COL24A1: variants seen among roughly 807,000 people sequenced by gnomAD.
The protein encoded by COL24A1 is collagen type XXIV alpha 1 chain.
A neutral mutation model predicts 253.9 loss-of-function variants in COL24A1; 224 were observed. The ratio of observed to expected loss-of-function variants is 0.88; its 90% CI spans 0.79 to 0.99. The LOEUF (loss-of-function observed/expected upper bound fraction) is 0.99. Ranked by LOEUF, COL24A1 falls within the 50% of genes least tolerant of loss-of-function variation. The pLI is 0.00. For missense variants in COL24A1, 2,131 were observed against 2,068.5 expected (o/e 1.03, Z -0.59); for synonymous variants, 685 against 673.7 (o/e 1.02, Z -0.26).
chr1:85,994,656 T>C (rs530482789), intron 19 of COL24A1, among the ~76,000 whole-genome samples: 1 of 152,304 alleles, frequency 6.6e-6, no homozygotes, highest in South Asian at 2.1e-4. Flanking sequence ...AAATAGCCTT[T>C]ACTGAGTGAG....
At chr1:85,914,231 C>A (rs1685642836) in intron 24 of COL24A1, among the ~76,000 whole-genome samples, 1 of 151,556 alleles carries the variant, frequency 6.6e-6, no homozygotes, top group South Asian at 2.1e-4. Flanking sequence ...TAAATACCTG[C>A]TATGGCCATG....
At chr1:86,147,467 G>GAATC (rs1652049660) in intron 1 of COL24A1, among the ~76,000 whole-genome samples, 1 of 152,168 alleles carries the variant, frequency 6.6e-6, no homozygotes, top group Admixed American at 6.5e-5. Flanking sequence ...CAGATCAACT[G>GAATC]AATCATTGCA....
chr1:85,769,340 A>G (rs1367093269), intron 53 of COL24A1, among the ~76,000 whole-genome samples: 1 of 152,162 alleles, frequency 6.6e-6, no homozygotes, highest in African/African-American at 2.4e-5. Flanking sequence ...GTAGAGGCAC[A>G]GGTAGAAGGA....
chr1:86,103,908 C>T (rs1353709240), intron 5 of COL24A1, among the ~76,000 whole-genome samples: 2 of 152,070 alleles, frequency 1.3e-5, no homozygotes, highest in Admixed American at 6.6e-5. Flanking sequence ...CTCTGTATTT[C>T]CTAAATTTGA....
intron 5 of COL24A1, among the ~76,000 whole-genome samples, 161 bp downstream of exon 5, chr1:86,112,406 T>G (rs1705703607): frequency 6.6e-6 from 1 of 152,202 alleles, no homozygotes; most frequent in Admixed American, 6.5e-5. Flanking sequence ...AACCTAGCTC[T>G]CTGCCAGGCT....
chr1:86,030,719 C>T (rs969286851), intron 14 of COL24A1: 2 of 151,614 alleles, frequency 1.3e-5, no homozygotes, highest in African/African-American at 2.4e-5. Flanking sequence ...CATGCTGCCA[C>T]AGTGGGCCAG....
At position 86,156,383 on chromosome 1, in the gene COL24A1, G is replaced by T; in HGVS notation, c.14C>A (p.Ala5Asp). The change falls in exon 1 of 60, where the codon GCC becomes GAC. Residue 5 changes from alanine to aspartate, a missense_variant. Transcript: ENST00000370571. MHLR[A>D]HRTRRGKVSP... ...GACTTTTCCACGCCTTGTTCTGTGG[G>T]CTCTTAAATGCATTTGTATGCATTT... The T allele has an allele frequency of 6.2e-7, 1 of 1,612,370 alleles. No homozygotes were observed. Among genetic ancestry groups the T allele is most frequent in the African/African-American group, 1.3e-5 (1 of 74,920 alleles).
At chr1:86,038,562 C>A (rs183914958) in intron 12 of COL24A1, among the ~76,000 whole-genome samples, 1 of 152,070 alleles carries the variant, frequency 6.6e-6, no homozygotes, top group Admixed American at 6.6e-5. Flanking sequence ...CTTTGATTCC[C>A]GGTATTCATG....
chr1:85,784,379 CAAAGAA>C lies in COL24A1; in HGVS notation c.4060-19_4060-14del, dbSNP rs764648981. 1 of 1,580,074 alleles carries C rather than the reference CAAAGAA, an allele frequency of 6.3e-7. No individual in the cohort carries two copies. Among genetic ancestry groups the C allele is most frequent in the Admixed American group, 1.7e-5 (1 of 59,816 alleles). On this transcript the variant is annotated splice_polypyrimidine_tract_variant and intron_variant, in intron 48 of 59. Transcript: ENST00000370571. ...GCCCTTGTTCACCCTATGGGTAGAA[CAAAGAA>C]AAGCGATCTTTACATCAGAACATAT...
At chr1:85,895,311 G>T (rs1683564484) in intron 31 of COL24A1, among the ~76,000 whole-genome samples, 1 of 152,068 alleles carries the variant, frequency 6.6e-6, no homozygotes, top group African/African-American at 2.4e-5. Context: ...AGTGCCATGG[G>T]AAGGCATGAA....
At position 85,876,117 on chromosome 1, in the gene COL24A1, G is replaced by A. The variant is rs139600324; in HGVS notation, c.3031-787C>T. On this transcript the variant is annotated intron_variant, in intron 33 of 59. Transcript: ENST00000370571. ...AGCTCTTGAAACATTTAAAGGAAAC[G>A]AATGATATAAGAATGATAAACCGGC... Among the ~76,000 whole-genome samples the A allele has an allele frequency of 2.4e-3, 365 of 152,012 alleles. 2 individuals are homozygous for A. Among genetic ancestry groups the A allele is most frequent in the Admixed American group, 4.7e-3 (71 of 15,262 alleles).
chr1:86,144,184 G>C (rs543115494), intron 2 of COL24A1, among the ~76,000 whole-genome samples: 2 of 152,190 alleles, frequency 1.3e-5, no homozygotes, highest in East Asian at 3.9e-4. Flanking sequence ...TGAAAATTAT[G>C]ATGCTTGCCC....
chr1:86,023,742 A>ACTTC (rs1571638992), intron 14 of COL24A1, among the ~76,000 whole-genome samples: 1 of 152,162 alleles, frequency 6.6e-6, no homozygotes, highest in East Asian at 1.9e-4. Context: ...ATGTCATCTT[A>ACTTC]GAAGACAAAG....
At chr1:86,030,777 T>G (rs1392621973) in intron 14 of COL24A1, among the ~76,000 whole-genome samples, 1 of 151,264 alleles carries the variant, frequency 6.6e-6, no homozygotes, top group Non-Finnish European at 1.5e-5. Context: ...TTGTTGTTGT[T>G]GTAGCATTGG....
chr1:85,775,580 C>T lies in COL24A1; in HGVS notation c.4374+94G>A, dbSNP rs1668458523. The T allele has an allele frequency of 5.0e-6, 5 of 1,002,046 alleles. No homozygotes were observed. The African/African-American group carries it at 6.6e-5, about 13-fold the overall frequency. The allele number at this position is 1,002,046 out of a possible 1,614,324, so 62.1% of individuals were successfully genotyped here. On this transcript the variant is annotated intron_variant, in intron 53 of 59. Coordinates refer to ENST00000370571, the MANE Select transcript of COL24A1 (RefSeq NM_152890.7). ...ATTTTTATTCTACAAGTATCAGAGA[C>T]ATAATAATGGATAACTCTAACAGGG... is the stretch of plus-strand genomic sequence containing the variant.
intron 28 of COL24A1, among the ~76,000 whole-genome samples, chr1:85,900,853 T>C (rs1171198574): frequency 1.3e-5 from 2 of 152,144 alleles, no homozygotes; most frequent in African/African-American, 4.8e-5. Context: ...GAAAACTGTA[T>C]ATCCAGATGC....
intron 55 of COL24A1, among the ~76,000 whole-genome samples, chr1:85,755,953 T>C (rs567659102): frequency 7.6e-6 from 1 of 131,992 alleles, no homozygotes; most frequent in South Asian, 2.4e-4. Context: ...ATAAAGAGAG[T>C]GAAAAGGCAA....
chr1:86,005,124 C>G (rs181583208), intron 19 of COL24A1, among the ~76,000 whole-genome samples: 130 of 152,280 alleles, frequency 8.5e-4, no homozygotes, highest in African/African-American at 3.1e-3. Flanking sequence ...AGTTGTGGCT[C>G]TGAGAACAAC....
At chr1:85,926,206 A>G (rs1161645367) in intron 24 of COL24A1, among the ~76,000 whole-genome samples, 1 of 152,204 alleles carries the variant, frequency 6.6e-6, no homozygotes, top group Non-Finnish European at 1.5e-5. Context: ...GAAAAATAGG[A>G]ACGCTTTTAC....
Sources: gnomAD v4.1 joint callset for allele counts (sites outside exome capture counted in the v4.1 genomes callset) on GRCh38, gnomAD v4.1.1 for gene constraint, MANE v1.5 for transcripts, NCBI Gene and HGNC (gene_info 2026-07-23, HGNC 2026-07-21) for gene names.